The following UVRAG variants were observed in gnomAD, a reference collection of about 807,000 sequenced individuals.
UVRAG encodes UV radiation resistance associated, also known as UV radiation resistance-associated gene protein.
UVRAG carries 19 observed loss-of-function variants against 78.0 expected under a neutral mutation model. That is an observed-to-expected ratio of 0.24 (90% CI 0.17 to 0.36). The LOEUF (loss-of-function observed/expected upper bound fraction) is 0.36, where lower values mean the gene tolerates loss of function less well. UVRAG is among the 10% of genes least tolerant of loss of function. The pLI, the probability that UVRAG is intolerant of heterozygous loss-of-function variation, is 1.00. For synonymous variants in UVRAG, 323 were observed against 324.6 expected, an observed-to-expected ratio of 1.00 and a Z score of 0.05; for missense variants, 740 against 853.8, an observed-to-expected ratio of 0.87 and a Z score of 1.66.
At chr11:75,930,852 GAGTT>G (rs1948217018) in intron 6 of UVRAG, 1 of 152,248 alleles carries the variant, frequency 6.6e-6, no homozygotes, top group East Asian at 1.9e-4. Flanking sequence ...AGCCTGTACT[GAGTT>G]TTCACTACCC....
chr11:76,097,993 G>T (rs1591235236), intron 13 of UVRAG, among the ~76,000 whole-genome samples: 1 of 150,422 alleles, frequency 6.6e-6, no homozygotes, highest in South Asian at 2.1e-4. Flanking sequence ...CAGAAATTTG[G>T]CATTTCTTAT....
intron 13 of UVRAG, among the ~76,000 whole-genome samples, chr11:76,109,571 T>C (rs1952033791): frequency 6.6e-6 from 1 of 152,222 alleles, no homozygotes; most frequent in Admixed American, 6.5e-5. Flanking sequence ...GTTATACACA[T>C]TATATGGTGA....
intron 5 of UVRAG, among the ~76,000 whole-genome samples, chr11:75,898,126 C>T (rs1291940360): frequency 6.6e-6 from 1 of 152,166 alleles, no homozygotes; most frequent in African/African-American, 2.4e-5. Flanking sequence ...GCCTCGGCCT[C>T]CCAAAGTGCT....
chr11:76,082,830 G>A (rs993057845), intron 13 of UVRAG, among the ~76,000 whole-genome samples: 1 of 152,138 alleles, frequency 6.6e-6, no homozygotes, highest in African/African-American at 2.4e-5. Context: ...AGGAGTTCAA[G>A]ACCAACCTGA....
chr11:75,988,052 T>C (rs1565106280), intron 8 of UVRAG, among the ~76,000 whole-genome samples: 5 of 152,246 alleles, frequency 3.3e-5, no homozygotes, highest in Admixed American at 2.0e-4. Context: ...AACTGTTCTT[T>C]TAATGAATTG....
chr11:76,043,578 AT>A (rs1361299962), intron 12 of UVRAG, among the ~76,000 whole-genome samples: 2 of 152,206 alleles, frequency 1.3e-5, no homozygotes, highest in Non-Finnish European at 2.9e-5. Context: ...CTCTAGTAGT[AT>A]ATTCAAATTT....
At chr11:76,044,463 A>G (rs1292181318) in intron 12 of UVRAG, among the ~76,000 whole-genome samples, 1 of 152,208 alleles carries the variant, frequency 6.6e-6, no homozygotes, top group Non-Finnish European at 1.5e-5. Context: ...ATGAAATAAC[A>G]GTATACGGAT....
chr11:75,918,061 G>A (rs1947896723), intron 6 of UVRAG, among the ~76,000 whole-genome samples: 1 of 152,028 alleles, frequency 6.6e-6, no homozygotes, highest in Admixed American at 6.5e-5. Flanking sequence ...ACTGCTGCTG[G>A]AGTGATCTTT....
intron 13 of UVRAG, among the ~76,000 whole-genome samples, chr11:76,070,238 A>C (rs1437963680): frequency 6.6e-6 from 1 of 152,200 alleles, no homozygotes; most frequent in East Asian, 1.9e-4. Context: ...CATATGCAGA[A>C]TCTTAAATGT....
intron 6 of UVRAG, among the ~76,000 whole-genome samples, chr11:75,928,968 T>C (rs917615946): frequency 3.4e-5 from 3 of 87,968 alleles, no homozygotes; most frequent in African/African-American, 1.4e-4. Flanking sequence ...AAAAAAAGAA[T>C]TGAAAGCTGA....
intron 2 of UVRAG, among the ~76,000 whole-genome samples, chr11:75,859,795 A>G (rs938281745): frequency 6.6e-6 from 1 of 152,202 alleles, no homozygotes; most frequent in Non-Finnish European, 1.5e-5. Flanking sequence ...CATGTTTGTC[A>G]TATTAGAAAT....
At chr11:76,024,018 A>C (rs185369422) in intron 12 of UVRAG, among the ~76,000 whole-genome samples, 8 of 152,324 alleles carry the variant, frequency 5.3e-5, no homozygotes, top group Admixed American at 4.6e-4. Flanking sequence ...TATATACTTA[A>C]GAAAGATCAC....
At chr11:75,822,136 G>T (rs1307040072) in intron 1 of UVRAG, among the ~76,000 whole-genome samples, 1 of 151,744 alleles carries the variant, frequency 6.6e-6, no homozygotes, top group Non-Finnish European at 1.5e-5. Flanking sequence ...GTAGGACGGG[G>T]TTTCACCATG....
chr11:75,819,939 A>T (rs980795574), intron 1 of UVRAG, among the ~76,000 whole-genome samples: 5 of 152,066 alleles, frequency 3.3e-5, no homozygotes, highest in African/African-American at 1.2e-4. Context: ...TTGTACTCCA[A>T]CCTGGGCGAC....
chr11:75,941,297 T>G (rs1360407544), intron 6 of UVRAG, among the ~76,000 whole-genome samples: 2 of 152,152 alleles, frequency 1.3e-5, no homozygotes, highest in Non-Finnish European at 2.9e-5. Context: ...TACTTCTCCA[T>G]ATCTTTATTA....
chr11:76,137,967 G>A (rs1053548953), intron 14 of UVRAG, among the ~76,000 whole-genome samples: 1 of 152,050 alleles, frequency 6.6e-6, no homozygotes, highest in Non-Finnish European at 1.5e-5. Flanking sequence ...CTGGTACTTG[G>A]ATTTTCCAGT....
chr11:75,879,873 G>A lies in UVRAG; in HGVS notation c.271-6G>A, dbSNP rs545802835. On this transcript the variant is annotated splice_polypyrimidine_tract_variant and splice_region_variant and intron_variant, in intron 3 of 14. Transcript: ENST00000356136. Reference sequence around the variant, plus strand: ...TCCTAAAGCGTGTTTTCATTTTCATGAGCAGAATCCCACGTGGCGAAGTCT... The same window carrying A: ...TCCTAAAGCGTGTTTTCATTTTCATAAGCAGAATCCCACGTGGCGAAGTCT... 7.0e-5 allele frequency: 113 copies of A among 1,613,158 alleles called. No homozygotes were observed. In the South Asian group the frequency reaches 8.6e-4, roughly 12 times the overall value.
intron 1 of UVRAG, among the ~76,000 whole-genome samples, chr11:75,820,432 G>A (rs1167855583): frequency 2.7e-5 from 4 of 148,882 alleles, no homozygotes; most frequent in Admixed American, 6.8e-5. Context: ...TCCGCTCACC[G>A]CAACCTCCGC....
chr11:76,044,910 C>T (rs945175525), intron 12 of UVRAG, among the ~76,000 whole-genome samples: 6 of 152,126 alleles, frequency 3.9e-5, no homozygotes, highest in African/African-American at 7.2e-5. Flanking sequence ...TAGCAATTGA[C>T]GTAGCAGACT....
Sources: gnomAD v4.1 joint callset for allele counts (sites outside exome capture counted in the v4.1 genomes callset) on GRCh38, gnomAD v4.1.1 for gene constraint, MANE v1.5 for transcripts, NCBI Gene and HGNC (gene_info 2026-07-23, HGNC 2026-07-21) for gene names.